The following SUCLG2 variants were observed in gnomAD, a reference collection of about 807,000 sequenced individuals.
The protein encoded by SUCLG2 is succinate--CoA ligase [GDP-forming] subunit beta, mitochondrial.
A neutral mutation model predicts 47.9 loss-of-function variants in SUCLG2; 42 were observed. That is an observed-to-expected ratio of 0.88 (90% confidence interval 0.69 to 1.14). The LOEUF is 1.14. SUCLG2 is among the 50% of genes most tolerant of loss of function. The pLI is 0.00. For missense variants in SUCLG2, 571 were observed against 525.9 expected, an observed-to-expected ratio of 1.09 and a Z score of -0.84; for synonymous variants, 195 against 197.3, an observed-to-expected ratio of 0.99 and a Z score of 0.10.
chr3:67,618,128 T>C (rs1700663117), intron 1 of SUCLG2, among the ~76,000 whole-genome samples: 1 of 152,164 alleles, frequency 6.6e-6, no homozygotes, highest in South Asian at 2.1e-4. Flanking sequence ...CATCTTAAAA[T>C]GTGCTACTTA....
At chr3:67,479,858 G>A (rs1318274864) in intron 9 of SUCLG2, among the ~76,000 whole-genome samples, 1 of 152,178 alleles carries the variant, frequency 6.6e-6, no homozygotes, top group African/African-American at 2.4e-5. Flanking sequence ...CTCCATGAGG[G>A]AGTTGATCTT....
intron 2 of SUCLG2, among the ~76,000 whole-genome samples, chr3:67,579,872 A>G (rs1465865030): frequency 6.6e-6 from 1 of 152,232 alleles, no homozygotes; most frequent in Non-Finnish European, 1.5e-5. Flanking sequence ...TTGAGTTACA[A>G]GGTAAAATGG....
At chr3:67,588,514 T>C (rs1015639522) in intron 2 of SUCLG2, among the ~76,000 whole-genome samples, 2 of 152,160 alleles carry the variant, frequency 1.3e-5, no homozygotes, top group Non-Finnish European at 2.9e-5. Flanking sequence ...GTGTCACACA[T>C]CCGAAATGAG....
At position 67,498,297 on chromosome 3, in the gene SUCLG2, T is replaced by C; in HGVS notation, c.758-2A>G. ...TTATCTTGGCATCAAAACAGACAAC[T>C]AAATAAAGAAGAAAACAATCATACT... is the stretch of plus-strand genomic sequence containing the variant. On this transcript the variant is annotated splice_acceptor_variant, in intron 7 of 10. Transcript: ENST00000307227. LOFTEE classifies it high-confidence loss of function. 1.9e-6 allele frequency: 3 copies of C among 1,608,962 alleles called. No individual in the cohort carries two copies. Among genetic ancestry groups the C allele is most frequent in the Non-Finnish European group, 2.5e-6 (3 of 1,179,250 alleles).
chr3:67,407,298 G>A (rs1434873096), intron 9 of SUCLG2, among the ~76,000 whole-genome samples: 1 of 152,058 alleles, frequency 6.6e-6, no homozygotes, highest in Non-Finnish European at 1.5e-5. Context: ...CCTTCTTCAT[G>A]TCACTTGATA....
chr3:67,507,427 T>G (rs1005726623), intron 7 of SUCLG2, among the ~76,000 whole-genome samples: 5 of 152,196 alleles, frequency 3.3e-5, no homozygotes, highest in African/African-American at 1.2e-4. Flanking sequence ...CTAGCCTATT[T>G]TGTATCTGAC....
chr3:67,513,387 T>C (rs1705850003), intron 6 of SUCLG2, among the ~76,000 whole-genome samples: 1 of 152,246 alleles, frequency 6.6e-6, no homozygotes, highest in Non-Finnish European at 1.5e-5. Flanking sequence ...GTTTTAATTT[T>C]TACTGTTGCA....
chr3:67,547,443 T>C (rs1322558209), intron 2 of SUCLG2, among the ~76,000 whole-genome samples: 3 of 152,182 alleles, frequency 2.0e-5, no homozygotes, highest in African/African-American at 7.2e-5. Context: ...AAGTAAACAA[T>C]ACATCTATAG....
intron 9 of SUCLG2, among the ~76,000 whole-genome samples, chr3:67,436,454 G>A (rs1703625028): frequency 6.6e-6 from 1 of 152,000 alleles, no homozygotes; most frequent in African/African-American, 2.4e-5. Context: ...AAGGCCAGAG[G>A]GCAAATCTTC....
At chr3:67,418,392 G>C (rs1271095057) in intron 9 of SUCLG2, among the ~76,000 whole-genome samples, 1 of 152,148 alleles carries the variant, frequency 6.6e-6, no homozygotes, top group East Asian at 1.9e-4. Context: ...CTGAGGCTCA[G>C]AAAGCTGAAG....
chr3:67,581,520 C>T (rs1047511447), intron 2 of SUCLG2, among the ~76,000 whole-genome samples: 9 of 152,166 alleles, frequency 5.9e-5, no homozygotes, highest in Admixed American at 4.6e-4. Context: ...CAATTCTTTG[C>T]TTTAATTCAA....
intron 9 of SUCLG2, among the ~76,000 whole-genome samples, chr3:67,407,337 C>T (rs746682418): frequency 3.3e-5 from 5 of 152,102 alleles, no homozygotes; most frequent in Admixed American, 6.5e-5. Context: ...TCAGACATTA[C>T]GTTGTCTTTC....
At chr3:67,608,546 C>T (rs1372992746) in intron 2 of SUCLG2, among the ~76,000 whole-genome samples, 4 of 152,150 alleles carry the variant, frequency 2.6e-5, no homozygotes, top group Admixed American at 2.6e-4. Flanking sequence ...CGATGCTCCA[C>T]TGTTGTACTA....
Position 67,375,677 on chromosome 3 carries a change from A to G in SUCLG2, c.*67T>C, listed in dbSNP as rs1465607622. 14 of 1,508,284 alleles carry G rather than the reference A, an allele frequency of 9.3e-6. No homozygotes were observed. The highest frequency in any genetic ancestry group is 1.2e-5 in the Non-Finnish European group (14 of 1,125,514). The allele number at this position is 1,508,284 out of a possible 1,614,324, so 93.4% of individuals were successfully genotyped here. ...CCCCAATGAGATAACCATTTCTTTC[A>G]CAATGATGAACCATCCCTTTTTACG... On this transcript the variant is annotated 3_prime_UTR_variant, in exon 11 of 11. Coordinates refer to ENST00000307227, the MANE Select transcript of SUCLG2 (RefSeq NM_003848.4).
At chr3:67,579,592 T>C (rs1306624972) in intron 2 of SUCLG2, among the ~76,000 whole-genome samples, 1 of 152,210 alleles carries the variant, frequency 6.6e-6, no homozygotes, top group Non-Finnish European at 1.5e-5. Flanking sequence ...GGTCTCTCTG[T>C]CCTGGCTTCT....
chr3:67,567,548 G>A (rs905382959), intron 2 of SUCLG2, among the ~76,000 whole-genome samples: 3 of 152,026 alleles, frequency 2.0e-5, no homozygotes, highest in African/African-American at 7.2e-5. Context: ...CAAAGTGCTG[G>A]GATTATAGGC....
rs534074504 is a variant in SUCLG2 at position 67,626,311 on chromosome 3, T to C, written c.85-16715A>G. Among the ~76,000 whole-genome samples the C allele has an allele frequency of 2.1e-3, 323 of 151,202 alleles. 2 individuals are homozygous for C. The highest frequency in any genetic ancestry group is 7.4e-3 in the African/African-American group (304 of 41,180). On this transcript the variant is annotated intron_variant, in intron 1 of 10. Transcript: ENST00000307227. ...CCGGCCACTAGGGTTATCTTTTGTC[T>C]GAAGGCTGGGCACCCATGGAGCAGA...
At chr3:67,429,966 T>C (rs1703432326) in intron 9 of SUCLG2, among the ~76,000 whole-genome samples, 1 of 152,142 alleles carries the variant, frequency 6.6e-6, no homozygotes, top group African/African-American at 2.4e-5. Flanking sequence ...CTTAGAGACC[T>C]ACAAAGAGAC....
intron 1 of SUCLG2, among the ~76,000 whole-genome samples, chr3:67,612,091 G>A (rs1010085765): frequency 6.6e-6 from 1 of 152,214 alleles, no homozygotes; most frequent in Non-Finnish European, 1.5e-5. Context: ...AGGCGCAGTG[G>A]TTCACACCTG....
Sources: allele counts gnomAD v4.1 joint callset (sites outside exome capture counted in the v4.1 genomes callset), GRCh38; gene constraint gnomAD v4.1.1; transcripts MANE v1.5; gene names NCBI Gene and HGNC (gene_info 2026-07-23, HGNC 2026-07-21).